Variants in EFR3B observed in about 807,000 individuals in gnomAD.
EFR3B encodes EFR3 homolog B.
Under a neutral mutation model 104.7 loss-of-function variants are expected in EFR3B, and 64 were observed. The ratio of observed to expected loss-of-function variants is 0.61; its 90% confidence interval spans 0.50 to 0.75. EFR3B has a LOEUF of 0.75. Among genes scored for constraint, EFR3B ranks in the 30% least tolerant of loss-of-function variants. The probability of loss-of-function intolerance (pLI) is 0.00; values close to 1 mark genes in which losing one functional copy is unlikely to be tolerated. For missense variants in EFR3B, 750 were observed against 1,078.5 expected, an observed-to-expected ratio of 0.70 and a Z score of 4.27; for synonymous variants, 385 against 417.9, an observed-to-expected ratio of 0.92 and a Z score of 0.96.
At chr2:25,118,392 C>G (rs112515746) in intron 4 of EFR3B, among the ~76,000 whole-genome samples, 1 of 152,176 alleles carries the variant, frequency 6.6e-6, no homozygotes, top group Admixed American at 6.5e-5. Context: ...CATGTTGTTG[C>G]AGCTGTCAGG....
Position 25,128,217 on chromosome 2 carries a change from G to T in EFR3B, c.520G>T (p.Val174Leu), listed in dbSNP as rs976897437. The T allele has an allele frequency of 1.9e-6, 3 of 1,551,668 alleles. No individual in the cohort carries two copies. The African/African-American group carries it at 4.1e-5, about 21-fold the overall frequency. Reference sequence around the variant, plus strand: ...GTCAGGCATCAAAGGCCTGCAAGGGGTGGTGAGGAAGACGGTGAATGATGA... The same window carrying T: ...GTCAGGCATCAAAGGCCTGCAAGGGTTGGTGAGGAAGACGGTGAATGATGA... ...RMSGIKGLQGVVRKTVNDELQ... is the reference protein window; with the variant it reads ...RMSGIKGLQGLVRKTVNDELQ... Residue 174 changes from valine to leucine, a missense_variant, in exon 6 of 23, where the codon GTG becomes TTG. By Grantham distance (32) the Val-to-Leu change is conservative (BLOSUM62 1). Transcript: ENST00000403714.
chr2:25,090,370 T>C (rs2149184143), intron 1 of EFR3B, among the ~76,000 whole-genome samples: 1 of 152,360 alleles, frequency 6.6e-6, no homozygotes, highest in African/African-American at 2.4e-5. Context: ...CCTTTACTAA[T>C]TAAAACTTTT....
chr2:25,128,610 A>G lies in EFR3B; in HGVS notation c.635+278A>G, dbSNP rs1216996710. Among the ~76,000 whole-genome samples the G allele has an allele frequency of 3.3e-5, 5 of 152,268 alleles. No individual in the cohort carries two copies. The East Asian group carries it at 9.7e-4, about 29-fold the overall frequency. On this transcript the variant is annotated intron_variant, in intron 6 of 22. Transcript: ENST00000403714. ...AAATCTGTTGGTAATAACACACAGA[A>G]CCAAGAGTCTGGTTACCTTTGTCTC...
In EFR3B at chr2:25,131,707, G is replaced by T; in HGVS notation, c.986-43G>T. 4.7e-6 allele frequency: 7 copies of T among 1,484,440 alleles called. No individual in the cohort carries two copies. The highest frequency in any genetic ancestry group is 6.3e-6 in the Non-Finnish European group (7 of 1,111,294). The allele number at this position is 1,484,440 out of a possible 1,614,324, so 92.0% of individuals were successfully genotyped here. On this transcript the variant is annotated intron_variant, in intron 9 of 22. Coordinates refer to ENST00000403714, the MANE Select transcript of EFR3B (RefSeq NM_014971.2). This position sits in a 1 kb window ranked among gnomAD's most constrained non-coding sequence, Gnocchi z 7.6. ...TGCGCGCGGTGCACAGAGGAGGAGGGTGCCAGCCTTGGATCTCGGGTGTCC... is the reference window on the plus strand; with the variant it reads ...TGCGCGCGGTGCACAGAGGAGGAGGTTGCCAGCCTTGGATCTCGGGTGTCC...
At chr2:25,094,464 G>A (rs763604519) in intron 3 of EFR3B, among the ~76,000 whole-genome samples, 3 of 152,128 alleles carry the variant, frequency 2.0e-5, no homozygotes, top group East Asian at 1.9e-4. Context: ...ACAAACAAGC[G>A]ACTTACAGGA....
At position 25,154,661 on chromosome 2, in the gene EFR3B, G is replaced by A. The variant is rs1671110038; in HGVS notation, c.*321G>A. ...GGAGGGGGCTGAGAAGCTCCTACTT[G>A]GTGTTTTGAGTGAAGGGCATGTCCT... On this transcript the variant is annotated 3_prime_UTR_variant, in exon 23 of 23. Coordinates refer to ENST00000403714, the MANE Select transcript of EFR3B (RefSeq NM_014971.2). This position sits in a 1 kb window ranked among gnomAD's most constrained non-coding sequence, Gnocchi z 4.1. The A allele has an allele frequency of 7.2e-6, 2 of 276,978 alleles. No individual in the cohort carries two copies. Among genetic ancestry groups the A allele is most frequent in the Admixed American group, 5.1e-5 (1 of 19,784 alleles). 17.2% of individuals were successfully genotyped at this position (276,978 alleles called of 1,614,324 possible).
chr2:25,088,326 G>A (rs773718992), intron 1 of EFR3B, among the ~76,000 whole-genome samples: 17 of 152,162 alleles, frequency 1.1e-4, no homozygotes, highest in African/African-American at 3.9e-4. Flanking sequence ...TCAAGGTATT[G>A]TTACTTGCAA....
At chr2:25,082,195 T>G (rs1329262937) in intron 1 of EFR3B, among the ~76,000 whole-genome samples, 1 of 152,228 alleles carries the variant, frequency 6.6e-6, no homozygotes, top group African/African-American at 2.4e-5. Flanking sequence ...GCTGGAATTG[T>G]GGTGGAGCAT....
chr2:25,114,050 G>A lies in EFR3B; in HGVS notation c.364-7623G>A, dbSNP rs764563868. Reference sequence around the variant, plus strand: ...CTTTAAGAGGGAAAAGGGCTTACTCGCTCTAAAACCGGAGAGTCCCAACCT... The same window carrying A: ...CTTTAAGAGGGAAAAGGGCTTACTCACTCTAAAACCGGAGAGTCCCAACCT... On this transcript the variant is annotated intron_variant, in intron 4 of 22. Coordinates refer to ENST00000403714, the MANE Select transcript of EFR3B (RefSeq NM_014971.2). The surrounding 1 kb of genome is among the most constrained non-coding windows in gnomAD (Gnocchi z 4.0). 5.3e-5 allele frequency among the ~76,000 whole-genome samples: 8 copies of A among 152,268 alleles called. No homozygotes were observed. Among genetic ancestry groups the A allele is most frequent in the Admixed American group, 2.0e-4 (3 of 15,292 alleles).
At position 25,151,840 on chromosome 2, in the gene EFR3B, G is replaced by C. The variant is rs533167006; in HGVS notation, c.2192-74G>C. ...AGAGCCCAAGCAATGCTCATGGACAGTGCTCCCTGGAGGAGTCCCTCCCTT... is the reference window on the plus strand; with the variant it reads ...AGAGCCCAAGCAATGCTCATGGACACTGCTCCCTGGAGGAGTCCCTCCCTT... On this transcript the variant is annotated intron_variant, in intron 20 of 22. Coordinates refer to ENST00000403714, the MANE Select transcript of EFR3B (RefSeq NM_014971.2). 3 of 1,480,372 alleles carry C rather than the reference G, an allele frequency of 2.0e-6. No homozygotes were observed. In the South Asian group the frequency reaches 3.7e-5, roughly 18 times the overall value. 91.7% of individuals were successfully genotyped at this position (1,480,372 alleles called of 1,614,324 possible). A position where few individuals can be genotyped will look rare whatever the true frequency, so the allele number is the denominator to read the frequency against.
chr2:25,118,093 C>A (rs1669910963), intron 4 of EFR3B, among the ~76,000 whole-genome samples: 1 of 152,200 alleles, frequency 6.6e-6, no homozygotes, highest in African/African-American at 2.4e-5. Flanking sequence ...AATTCTCCTG[C>A]CTCAGCCTCC....
chr2:25,092,641 C>T (rs372212667), intron 2 of EFR3B, among the ~76,000 whole-genome samples: 11 of 151,724 alleles, frequency 7.3e-5, no homozygotes, highest in South Asian at 4.2e-4. Flanking sequence ...CTCCGCTCCC[C>T]GGGTTCAAGC....
At chr2:25,090,387 G>A (rs1403769080) in intron 1 of EFR3B, among the ~76,000 whole-genome samples, 1 of 152,238 alleles carries the variant, frequency 6.6e-6, no homozygotes, top group East Asian at 1.9e-4. Context: ...TTTTTATGGT[G>A]AGACCTAGAG....
chr2:25,136,730 A>T lies in EFR3B; in HGVS notation c.1560+132A>T, dbSNP rs923695634. The stretch of plus-strand genomic sequence containing the variant: ...GGGGAGCTCGAGACCAGCCAGACCA[A>T]CATGGTAAAATCCCATCTTTACTAA... On this transcript the variant is annotated intron_variant, in intron 14 of 22. Coordinates refer to ENST00000403714, the MANE Select transcript of EFR3B (RefSeq NM_014971.2). This position sits in a 1 kb window ranked among gnomAD's most constrained non-coding sequence, Gnocchi z 4.0. The T allele has an allele frequency of 1.8e-5, 13 of 706,710 alleles. No individual in the cohort carries two copies. Among genetic ancestry groups the T allele is most frequent in the Non-Finnish European group, 3.1e-5 (13 of 422,378 alleles). The allele number at this position is 706,710 out of a possible 1,614,324, so 43.8% of individuals were successfully genotyped here.
intron 4 of EFR3B, among the ~76,000 whole-genome samples, chr2:25,108,397 T>C (rs1669625005): frequency 6.6e-6 from 1 of 152,190 alleles, no homozygotes; most frequent in Non-Finnish European, 1.5e-5. Context: ...CTAAAAATAT[T>C]AAATCTGATG....
intron 1 of EFR3B, among the ~76,000 whole-genome samples, chr2:25,072,756 C>T (rs1004793848): frequency 1.1e-4 from 17 of 152,154 alleles, no homozygotes; most frequent in Non-Finnish European, 2.1e-4. Context: ...CAGAATGCCA[C>T]GGAGCTCCTC....
chr2:25,048,766 C>T (rs1667788056), intron 1 of EFR3B, among the ~76,000 whole-genome samples: 1 of 152,156 alleles, frequency 6.6e-6, no homozygotes, highest in Non-Finnish European at 1.5e-5. Flanking sequence ...CCTTGCTCTA[C>T]AATCATAACC....
intron 5 of EFR3B, among the ~76,000 whole-genome samples, chr2:25,127,945 G>A (rs1670211919): frequency 6.6e-6 from 1 of 152,192 alleles, no homozygotes; most frequent in South Asian, 2.1e-4. Flanking sequence ...CTGGAGCCCA[G>A]ATGGTACCAG....
chr2:25,141,337 G>C, intron 16 of EFR3B, 29 bp from the exon 17 acceptor site: 1 of 1,550,044 alleles, frequency 6.5e-7, no homozygotes, highest in Non-Finnish European at 8.7e-7. Context: ...TGCTGAACCA[G>C]CTCTTATCTG....
Sources: gnomAD v4.1 joint callset for allele counts (sites outside exome capture counted in the v4.1 genomes callset) on GRCh38, gnomAD v4.1.1 for gene constraint, Gnocchi (gnomAD v3.1) non-coding constraint, MANE v1.5 for transcripts, NCBI Gene and HGNC (gene_info 2026-07-23, HGNC 2026-07-21) for gene names.